The following RASA4B variants were observed in gnomAD, a reference collection of about 807,000 sequenced individuals.
The protein encoded by RASA4B is RAS p21 protein activator 4B.
RASA4B carries 2 observed loss-of-function variants against 24.2 expected under a neutral mutation model. The observed-to-expected ratio is 0.08, with a 90% CI of 0.03 to 0.26. The LOEUF (loss-of-function observed/expected upper bound fraction) is 0.26, where lower values mean the gene tolerates loss of function less well. RASA4B is among the 10% of genes least tolerant of loss of function. RASA4B has a pLI of 1.00. For missense variants in RASA4B, 8 were observed against 277.2 expected (o/e 0.03, Z 6.90); for synonymous variants, 2 against 125.6 (o/e 0.02, Z 6.58).
At chr7:102,513,210 G>C (rs1279649913) in intron 1 of RASA4B, among the ~76,000 whole-genome samples, 1 of 143,180 alleles carries the variant, frequency 7.0e-6, no homozygotes, top group African/African-American at 2.5e-5. Context: ...GGGGAGGAAG[G>C]CCTCCCTGGA....
chr7:102,513,201 G>T (rs1308600237), intron 1 of RASA4B, among the ~76,000 whole-genome samples: 1 of 141,858 alleles, frequency 7.0e-6, no homozygotes, highest in African/African-American at 2.6e-5. Context: ...GGACGGGACG[G>T]GGAGGAAGGC....
chr7:102,498,170 A>T (rs1402053317), intron 8 of RASA4B, among the ~76,000 whole-genome samples: 1 of 138,670 alleles, frequency 7.2e-6, no homozygotes, highest in Non-Finnish European at 1.6e-5. Flanking sequence ...AAGTGCTGAG[A>T]TTACAGGCAT....
chr7:102,497,789 C>CA (rs1318747994), intron 8 of RASA4B, among the ~76,000 whole-genome samples: 11 of 135,384 alleles, frequency 8.1e-5, no homozygotes, highest in East Asian at 4.4e-4. Context: ...GACTCTGTCT[C>CA]AAAAAAAATA....
rs1586755343 is a variant in RASA4B at position 102,480,208 on chromosome 7, C to T, written c.*3384G>A. Among the ~76,000 whole-genome samples the T allele has an allele frequency of 1.3e-5, 2 of 152,274 alleles. No individual in the cohort carries two copies. The highest frequency in any genetic ancestry group is 3.9e-4 in the East Asian group (2 of 5,168). On this transcript the variant is annotated 3_prime_UTR_variant, in exon 21 of 21. Coordinates refer to ENST00000465829, the MANE Select transcript of RASA4B (RefSeq NM_001367767.2). ...TGTTGCCAAGCCCACCGTGGTCTAGCTGTAGCGTTAGTGTCAAGGAAAAAC... is the reference window on the plus strand; with the variant it reads ...TGTTGCCAAGCCCACCGTGGTCTAGTTGTAGCGTTAGTGTCAAGGAAAAAC...
rs1238322031 is a variant in RASA4B at position 102,481,667 on chromosome 7, A to C, written c.*1925T>G. Among the ~76,000 whole-genome samples, 26 of 50,870 alleles carry C rather than the reference A, an allele frequency of 5.1e-4. No homozygotes were observed. Among genetic ancestry groups the C allele is most frequent in the African/African-American group, 1.3e-3 (24 of 18,918 alleles). 33.4% of individuals were successfully genotyped at this position (50,870 alleles called of 152,430 possible). ...GGCAACACAGTGAGACTCTGTCTCA[A>C]AAAAAAAAAAAAAAAAAATTATAAA... On this transcript the variant is annotated 3_prime_UTR_variant, in exon 21 of 21. Coordinates refer to ENST00000465829, the MANE Select transcript of RASA4B (RefSeq NM_001367767.2).
At chr7:102,500,320 A>G (rs1329752935) in intron 8 of RASA4B, among the ~76,000 whole-genome samples, 2 of 80,612 alleles carry the variant, frequency 2.5e-5, no homozygotes, top group African/African-American at 8.2e-5. Flanking sequence ...AAAATGCAAA[A>G]AATTAGCCAG....
intron 8 of RASA4B, among the ~76,000 whole-genome samples, chr7:102,500,401 G>A (rs1799322474): frequency 7.7e-6 from 1 of 129,586 alleles, no homozygotes; most frequent in Non-Finnish European, 1.7e-5. Context: ...GAACCCGGGA[G>A]GCGGAGCCTG....
At chr7:102,492,667 ATT>A (rs66464003) in intron 16 of RASA4B, among the ~76,000 whole-genome samples, 2,586 of 125,056 alleles carry the variant, frequency 0.021, 11 homozygotes, top group African/African-American at 0.068. Context: ...CTCCATATTC[ATT>A]TTTTTTTTTT....
intron 1 of RASA4B, among the ~76,000 whole-genome samples, chr7:102,513,112 C>A (rs1262062720): frequency 6.6e-6 from 1 of 150,818 alleles, no homozygotes; most frequent in Non-Finnish European, 1.5e-5. Context: ...AGCCTTTGCT[C>A]CTGCTCTCCC....
chr7:102,491,799 T>C (rs865844917), intron 16 of RASA4B, among the ~76,000 whole-genome samples: 3,014 of 95,290 alleles, frequency 0.032, 3 homozygotes, highest in African/African-American at 0.089. Context: ...GGGACCAGAA[T>C]TAAATAATGC....
Position 102,480,624 on chromosome 7 carries a change from CTT to C in RASA4B, c.*2966_*2967del, listed in dbSNP as rs1463989636. On this transcript the variant is annotated 3_prime_UTR_variant, in exon 21 of 21. Coordinates refer to ENST00000465829, the MANE Select transcript of RASA4B (RefSeq NM_001367767.2). ...CTACCTCTACCTCTCCCCTCTACCTCTTGTCTCATCTCTACCTCTCCCCCTGA... is the reference window on the plus strand; with the variant it reads ...CTACCTCTACCTCTCCCCTCTACCTCGTCTCATCTCTACCTCTCCCCCTGA... Among the ~76,000 whole-genome samples, 2 of 59,242 alleles carry C rather than the reference CTT, an allele frequency of 3.4e-5. No individual in the cohort carries two copies. Among genetic ancestry groups the C allele is most frequent in the South Asian group, 5.3e-4 (1 of 1,874 alleles). 38.9% of individuals were successfully genotyped at this position (59,242 alleles called of 152,430 possible). A position where few individuals can be genotyped will look rare whatever the true frequency, so the allele number is the denominator to read the frequency against.
At chr7:102,513,378 C>CGAATGAATGAACTGATGAGT (rs1799775385) in intron 1 of RASA4B, among the ~76,000 whole-genome samples, 1 of 141,740 alleles carries the variant, frequency 7.1e-6, no homozygotes, top group Non-Finnish European at 1.6e-5. Flanking sequence ...AATGAACAGA[C>CGAATGAATGAACTGATGAGT]GAATGAATGA....
chr7:102,491,736 T>C (rs1311299271), intron 16 of RASA4B, among the ~76,000 whole-genome samples: 3 of 68,730 alleles, frequency 4.4e-5, no homozygotes, highest in Non-Finnish European at 3.5e-5. Flanking sequence ...CATTGCACTC[T>C]GGCCTGGGCA....
chr7:102,502,759 C>CA (rs879529595), intron 6 of RASA4B, among the ~76,000 whole-genome samples: 1,440 of 105,950 alleles, frequency 0.014, no homozygotes, highest in Non-Finnish European at 0.02. Context: ...GACTTGGCCT[C>CA]AAAAAAAAAA....
Position 102,480,216 on chromosome 7 carries a change from T to G in RASA4B, c.*3376A>C, listed in dbSNP as rs1351285165. On this transcript the variant is annotated 3_prime_UTR_variant, in exon 21 of 21. Transcript: ENST00000465829. ...AGCCCACCGTGGTCTAGCTGTAGCG[T>G]TAGTGTCAAGGAAAAACACCCGCTA... Among the ~76,000 whole-genome samples the G allele has an allele frequency of 1.3e-5, 2 of 152,070 alleles. No homozygotes were observed. Among genetic ancestry groups the G allele is most frequent in the Non-Finnish European group, 2.9e-5 (2 of 68,014 alleles).
rs867454489 is a variant in RASA4B at position 102,512,965 on chromosome 7, G to A, written c.66-984C>T. 1.3e-4 allele frequency among the ~76,000 whole-genome samples: 20 copies of A among 152,084 alleles called. No individual in the cohort carries two copies. The South Asian group carries it at 4.0e-3, about 30-fold the overall frequency. ...TGGAAACCTCCTGTTCCTCCCGCAG[G>A]GGATAGAATGTTCCTCCTTTCTATG... On this transcript the variant is annotated intron_variant, in intron 1 of 20. Coordinates refer to ENST00000465829, the MANE Select transcript of RASA4B (RefSeq NM_001367767.2).
intron 8 of RASA4B, among the ~76,000 whole-genome samples, chr7:102,498,349 C>A (rs1391768902): frequency 3.0e-4 from 41 of 137,266 alleles, no homozygotes; most frequent in African/African-American, 1.0e-3. Context: ...GCAACCTCCA[C>A]CTCCCAGGTT....
At chr7:102,484,609 T>G (rs1224685572) in intron 19 of RASA4B, among the ~76,000 whole-genome samples, 3 of 119,482 alleles carry the variant, frequency 2.5e-5, no homozygotes, top group Non-Finnish European at 5.6e-5. Context: ...TGGATCACCT[T>G]GAAGTATCCT....
chr7:102,498,543 G>A (rs1288591048), intron 8 of RASA4B, among the ~76,000 whole-genome samples: 1 of 143,872 alleles, frequency 7.0e-6, no homozygotes, highest in Non-Finnish European at 1.5e-5. Flanking sequence ...ACAGGCATGA[G>A]CCACCGCACC....
Sources: allele counts gnomAD v4.1 joint callset (sites outside exome capture counted in the v4.1 genomes callset), GRCh38; gene constraint gnomAD v4.1.1; transcripts MANE v1.5; gene names NCBI Gene and HGNC (gene_info 2026-07-23, HGNC 2026-07-21).